The following SNTG1 variants were observed in gnomAD, a reference collection of about 807,000 sequenced individuals.
SNTG1 encodes the protein syntrophin gamma 1.
Under a neutral mutation model 74.7 loss-of-function variants are expected in SNTG1, and 39 were observed. The observed-to-expected ratio is 0.52, with a 90% CI of 0.40 to 0.68. The LOEUF (loss-of-function observed/expected upper bound fraction) is 0.68, where lower values mean the gene tolerates loss of function less well. SNTG1 is among the 30% of genes least tolerant of loss of function. The pLI is 0.00. For missense variants in SNTG1, 685 were observed against 609.5 expected, an observed-to-expected ratio of 1.12 and a Z score of -1.30; for synonymous variants, 254 against 217.1, an observed-to-expected ratio of 1.17 and a Z score of -1.49.
chr8:49,988,915 T>C (rs1813423298), intron 1 of SNTG1, among the ~76,000 whole-genome samples: 1 of 151,864 alleles, frequency 6.6e-6, no homozygotes, highest in Admixed American at 6.6e-5. Flanking sequence ...AAAAATATAG[T>C]AACAGTAATT....
chr8:50,157,125 A>C (rs1051474925), intron 1 of SNTG1, among the ~76,000 whole-genome samples: 1 of 152,100 alleles, frequency 6.6e-6, no homozygotes, highest in Non-Finnish European at 1.5e-5. Context: ...CTGAATCTCA[A>C]ACAAGGAAGA....
At chr8:50,508,691 T>C (rs2094033520) in intron 9 of SNTG1, among the ~76,000 whole-genome samples, 1 of 152,372 alleles carries the variant, frequency 6.6e-6, no homozygotes, top group Non-Finnish European at 1.5e-5. Context: ...CATTTTTTCA[T>C]TTGTCTGTTG....
rs140796804 is a variant in SNTG1 at position 50,094,774 on chromosome 8, A to G, written c.-102-77787A>G. Reference sequence around the variant, plus strand: ...GATTTCTCAAAGGATTTAAAACAGAACTGCTATTGGACCCAGCAATCTCAT... The same window carrying G: ...GATTTCTCAAAGGATTTAAAACAGAGCTGCTATTGGACCCAGCAATCTCAT... On this transcript the variant is annotated intron_variant, in intron 1 of 18. Coordinates refer to ENST00000642720, the MANE Select transcript of SNTG1 (RefSeq NM_018967.5). 2.2e-4 allele frequency among the ~76,000 whole-genome samples: 34 copies of G among 152,274 alleles called. 1 individual carries two copies. In the East Asian group the frequency reaches 6.4e-3, roughly 29 times the overall value.
chr8:50,203,524 G>A (rs1406596521), intron 2 of SNTG1, among the ~76,000 whole-genome samples: 4 of 152,184 alleles, frequency 2.6e-5, no homozygotes, highest in Middle Eastern at 3.4e-3. Context: ...TACATCAGAC[G>A]TGAAAGAAAC....
chr8:50,561,973 C>T (rs546866801), intron 12 of SNTG1, among the ~76,000 whole-genome samples: 1 of 152,260 alleles, frequency 6.6e-6, no homozygotes, highest in Non-Finnish European at 1.5e-5. Flanking sequence ...TGTGAAGATT[C>T]TCGCCATCCA....
At chr8:49,945,331 T>C (rs781253531) in intron 1 of SNTG1, among the ~76,000 whole-genome samples, 2 of 152,170 alleles carry the variant, frequency 1.3e-5, no homozygotes, top group Non-Finnish European at 2.9e-5. Context: ...GGGAGCAGCA[T>C]CCCAGCAGGC....
chr8:50,501,561 G>A (rs183210390), intron 8 of SNTG1, among the ~76,000 whole-genome samples: 7 of 147,676 alleles, frequency 4.7e-5, no homozygotes, highest in African/African-American at 9.9e-5. Context: ...TTAGCCTCCC[G>A]AGTAGCTAGG....
At chr8:50,171,989 C>A (rs1316280411) in intron 1 of SNTG1, among the ~76,000 whole-genome samples, 5 of 152,112 alleles carry the variant, frequency 3.3e-5, no homozygotes, top group Admixed American at 2.0e-4. Flanking sequence ...TAAACGGGAT[C>A]TTTAAAAACT....
intron 13 of SNTG1, among the ~76,000 whole-genome samples, chr8:50,636,012 G>T (rs1426750425): frequency 2.0e-5 from 3 of 151,758 alleles, no homozygotes. Flanking sequence ...GATGAATCCT[G>T]CCAGAATTTG....
At chr8:50,031,663 A>G (rs1470184949) in intron 1 of SNTG1, among the ~76,000 whole-genome samples, 1 of 152,116 alleles carries the variant, frequency 6.6e-6, no homozygotes, top group Non-Finnish European at 1.5e-5. Flanking sequence ...TAGACTTGCG[A>G]CACTAGAATA....
At chr8:50,664,664 G>C (rs2131309349) in intron 15 of SNTG1, among the ~76,000 whole-genome samples, 1 of 152,188 alleles carries the variant, frequency 6.6e-6, no homozygotes, top group South Asian at 2.1e-4. Context: ...TTTAGCCCAG[G>C]GACAGCTACC....
intron 1 of SNTG1, among the ~76,000 whole-genome samples, chr8:49,916,380 C>A (rs1191547141): frequency 6.6e-6 from 1 of 151,992 alleles, no homozygotes; most frequent in Non-Finnish European, 1.5e-5. Context: ...CATTTTGGGT[C>A]TCCTGAATTT....
chr8:50,093,352 C>T (rs887571809), intron 1 of SNTG1, among the ~76,000 whole-genome samples: 4 of 152,050 alleles, frequency 2.6e-5, no homozygotes, highest in African/African-American at 9.7e-5. Flanking sequence ...TGGTTTTTAG[C>T]ATGTTCACAA....
chr8:50,783,848 A>C (rs533686534), intron 18 of SNTG1, among the ~76,000 whole-genome samples: 25 of 152,242 alleles, frequency 1.6e-4, no homozygotes, highest in South Asian at 8.3e-4. Context: ...TGGCTCCAGA[A>C]CTTCAGTTTG....
In SNTG1 at chr8:50,656,974, G is replaced by A. The variant is rs747826286; in HGVS notation, c.915G>A (p.Pro305=). Residue 305 remains proline (P), a synonymous_variant, in exon 14 of 19, where the codon CCG becomes CCA. Transcript: ENST00000642720. The part of the protein sequence containing the change: ...QDPLQDRVYS[P]TFLALRGSCL... ...CCCTCCAGGACAGAGTGTACTCCCCGACCTTCCTGGCCCTGAGGGGCTCAT... is the reference window on the plus strand; with the variant it reads ...CCCTCCAGGACAGAGTGTACTCCCCAACCTTCCTGGCCCTGAGGGGCTCAT... 7 of 1,595,608 alleles carry A rather than the reference G, an allele frequency of 4.4e-6. No homozygotes were observed. The highest frequency in any genetic ancestry group is 4.6e-5 in the East Asian group (2 of 43,730).
At chr8:50,094,960 T>C (rs547118753) in intron 1 of SNTG1, among the ~76,000 whole-genome samples, 1 of 152,284 alleles carries the variant, frequency 6.6e-6, no homozygotes, top group Non-Finnish European at 1.5e-5. Flanking sequence ...ATATACACCA[T>C]AGACTATTAC....
intron 1 of SNTG1, among the ~76,000 whole-genome samples, chr8:49,956,321 T>C (rs1323658321): frequency 1.3e-5 from 2 of 152,192 alleles, no homozygotes; most frequent in Non-Finnish European, 2.9e-5. Context: ...CCAAACAGTG[T>C]CCTTTGACTG....
At chr8:50,113,091 TG>T (rs1458895651) in intron 1 of SNTG1, among the ~76,000 whole-genome samples, 1 of 152,178 alleles carries the variant, frequency 6.6e-6, no homozygotes, top group Non-Finnish European at 1.5e-5. Flanking sequence ...GGCTCTTTTT[TG>T]GTTCCATATG....
intron 1 of SNTG1, among the ~76,000 whole-genome samples, chr8:49,969,422 ACTCT>A (rs1811452780): frequency 1.9e-5 from 2 of 104,756 alleles, no homozygotes; most frequent in Admixed American, 1.5e-4. Context: ...TTTGAAATGG[ACTCT>A]CTCTCTGTCG....
Sources: allele counts gnomAD v4.1 joint callset (sites outside exome capture counted in the v4.1 genomes callset), GRCh38; gene constraint gnomAD v4.1.1; transcripts MANE v1.5; gene names NCBI Gene and HGNC (gene_info 2026-07-23, HGNC 2026-07-21).